Variants in NRIP1 observed in about 807,000 individuals in gnomAD.
The protein encoded by NRIP1 is nuclear receptor interacting protein 1.
Under a neutral mutation model 75.0 loss-of-function variants are expected in NRIP1, and 28 were observed. The observed-to-expected ratio is 0.37, with a 90% CI of 0.28 to 0.51. The LOEUF (loss-of-function observed/expected upper bound fraction) is 0.51, where lower values mean the gene tolerates loss of function less well. NRIP1 is among the 20% of genes least tolerant of loss of function. The pLI is 0.92. For missense variants in NRIP1, 1,435 were observed against 1,343.7 expected (o/e 1.07, Z -1.06); for synonymous variants, 526 against 487.6 (o/e 1.08, Z -1.04).
intron 3 of NRIP1, among the ~76,000 whole-genome samples, chr21:14,972,992 C>T (rs940523086): frequency 6.6e-6 from 1 of 152,142 alleles, no homozygotes; most frequent in African/African-American, 2.4e-5. Context: ...CAGAGAATTG[C>T]AATTAATGTA....
chr21:15,064,218 G>C (rs1223401011), intron 1 of NRIP1, among the ~76,000 whole-genome samples: 1 of 152,252 alleles, frequency 6.6e-6, no homozygotes, highest in Non-Finnish European at 1.5e-5. Context: ...CGCGAGTGCG[G>C]GCAGAGCGGC....
rs118035260 is a variant in NRIP1, at chr21:14,979,978, C to A, written c.-334-11452G>T. Among the ~76,000 whole-genome samples, 1,272 of 152,192 alleles carry A rather than the reference C, an allele frequency of 8.4e-3. 14 individuals are homozygous for A. Among genetic ancestry groups the A allele is most frequent in the Non-Finnish European group, 0.011 (753 of 68,022 alleles). On this transcript the variant is annotated intron_variant, in intron 3 of 3. Coordinates refer to ENST00000318948, the MANE Select transcript of NRIP1 (RefSeq NM_003489.4). ...TCTCTCATAATTCCAAGCTTTTGAC[C>A]CATCTGAAACTGAAATTAGTAGTAT...
At chr21:14,975,659 G>A (rs569845375) in intron 3 of NRIP1, among the ~76,000 whole-genome samples, 12 of 121,628 alleles carry the variant, frequency 9.9e-5, no homozygotes, top group Admixed American at 5.0e-4. Context: ...GGAAGGAAGG[G>A]AGAGAGAGAG....
intron 3 of NRIP1, among the ~76,000 whole-genome samples, chr21:14,981,348 T>G (rs960556392): frequency 2.6e-5 from 4 of 152,200 alleles, no homozygotes; most frequent in African/African-American, 7.2e-5. Flanking sequence ...AACCAAGTGT[T>G]TGAAGTACTA....
intron 1 of NRIP1, among the ~76,000 whole-genome samples, chr21:15,047,304 G>T (rs2089102520): frequency 6.6e-6 from 1 of 152,070 alleles, no homozygotes; most frequent in African/African-American, 2.4e-5. Context: ...CACTTTGGGA[G>T]GCCGAGGCAG....
chr21:15,024,281 G>A (rs1429212454), intron 2 of NRIP1, among the ~76,000 whole-genome samples: 2 of 152,150 alleles, frequency 1.3e-5, no homozygotes, highest in Non-Finnish European at 2.9e-5. Flanking sequence ...GATGGCTCAC[G>A]CCTATAATCC....
chr21:15,062,226 C>A (rs1380365128), intron 1 of NRIP1, among the ~76,000 whole-genome samples: 1 of 152,202 alleles, frequency 6.6e-6, no homozygotes, highest in African/African-American at 2.4e-5. Context: ...GACTGCTTTA[C>A]CACATATAAA....
At chr21:14,991,002 A>C (rs1340402491) in intron 3 of NRIP1, among the ~76,000 whole-genome samples, 1 of 152,080 alleles carries the variant, frequency 6.6e-6, no homozygotes, top group Non-Finnish European at 1.5e-5. Context: ...GCTGTCAACT[A>C]TTAGGTTGCC....
intron 1 of NRIP1, among the ~76,000 whole-genome samples, chr21:15,058,964 C>G (rs183829033): frequency 7.1e-4 from 108 of 152,270 alleles, no homozygotes; most frequent in Non-Finnish European, 1.4e-3. Flanking sequence ...AGCAGAAGCT[C>G]CAAACTCCTT....
chr21:15,047,749 C>T (rs2089116588), intron 1 of NRIP1, among the ~76,000 whole-genome samples: 1 of 152,084 alleles, frequency 6.6e-6, no homozygotes, highest in Non-Finnish European at 1.5e-5. Context: ...GCTTTGTGTT[C>T]TTATCATTCA....
chr21:15,058,731 T>A (rs2089358187), intron 1 of NRIP1, among the ~76,000 whole-genome samples: 1 of 152,198 alleles, frequency 6.6e-6, no homozygotes, highest in Admixed American at 6.5e-5. Flanking sequence ...AAATGCTTTT[T>A]TAAAGCAGTA....
At chr21:14,979,714 C>A (rs990010349) in intron 3 of NRIP1, among the ~76,000 whole-genome samples, 1 of 151,904 alleles carries the variant, frequency 6.6e-6, no homozygotes, top group Non-Finnish European at 1.5e-5. Context: ...CGGGGTTTTA[C>A]CTTCTTGGCC....
At chr21:15,019,419 T>C (rs1288979636) in intron 2 of NRIP1, among the ~76,000 whole-genome samples, 1 of 101,278 alleles carries the variant, frequency 9.9e-6, no homozygotes, top group Non-Finnish European at 2.1e-5. Flanking sequence ...AAATAATTAA[T>C]AAAAAAAAGT....
chr21:14,970,306 G>A (rs2086867168), intron 3 of NRIP1, among the ~76,000 whole-genome samples: 1 of 152,168 alleles, frequency 6.6e-6, no homozygotes, highest in South Asian at 2.1e-4. Context: ...AGCAATTTAG[G>A]AGGCCGAGGT....
chr21:15,019,343 T>C (rs2088311432), intron 2 of NRIP1, among the ~76,000 whole-genome samples: 1 of 150,286 alleles, frequency 6.7e-6, no homozygotes, highest in Non-Finnish European at 1.5e-5. Flanking sequence ...GAAGTCAAAA[T>C]TATCCTTATA....
intron 1 of NRIP1, among the ~76,000 whole-genome samples, chr21:15,049,346 A>G (rs2089154612): frequency 6.6e-6 from 1 of 152,174 alleles, no homozygotes; most frequent in Admixed American, 6.5e-5. Context: ...AATAAAAGAA[A>G]AGAGGTACAA....
chr21:14,977,447 G>A (rs2087104327), intron 3 of NRIP1, among the ~76,000 whole-genome samples: 1 of 152,100 alleles, frequency 6.6e-6, no homozygotes, highest in Non-Finnish European at 1.5e-5. Flanking sequence ...CAAACCAAGG[G>A]CCAATGAAAA....
chr21:15,032,636 T>A (rs1253857288), intron 2 of NRIP1, among the ~76,000 whole-genome samples: 1 of 152,216 alleles, frequency 6.6e-6, no homozygotes, highest in African/African-American at 2.4e-5. Context: ...TGAATCAATT[T>A]AACTAAGGAC....
rs148050721 is a variant in NRIP1 at position 15,043,298 on chromosome 21, C to T, written c.-458+197G>A. Among the ~76,000 whole-genome samples the T allele has an allele frequency of 7.3e-3, 1,104 of 152,206 alleles. 9 individuals carry two copies. The highest frequency in any genetic ancestry group is 0.025 in the African/African-American group (1,033 of 41,524). ...TAAAACTGGTTTACTCTAAACCAGA[C>T]GTTTTATTCGCTTACACAAAATTTT... On this transcript the variant is annotated intron_variant, in intron 2 of 3. Coordinates refer to ENST00000318948, the MANE Select transcript of NRIP1 (RefSeq NM_003489.4).
Sources: allele counts gnomAD v4.1 joint callset (sites outside exome capture counted in the v4.1 genomes callset), GRCh38; gene constraint gnomAD v4.1.1; transcripts MANE v1.5; gene names NCBI Gene and HGNC (gene_info 2026-07-23, HGNC 2026-07-21).